PLEKHM1: variants seen among roughly 807,000 people sequenced by gnomAD.
The protein encoded by PLEKHM1 is pleckstrin homology and RUN domain containing M1, also known as pleckstrin homology domain-containing family M member 1.
A neutral mutation model predicts 94.3 loss-of-function variants in PLEKHM1; 28 were observed. The ratio of observed to expected loss-of-function variants is 0.30; its 90% CI spans 0.22 to 0.41. The LOEUF is 0.41. Ranked by LOEUF, PLEKHM1 falls within the 10% of genes least tolerant of loss-of-function variation. PLEKHM1 has a pLI of 1.00. For synonymous variants in PLEKHM1, 424 were observed against 581.2 expected, an observed-to-expected ratio of 0.73 and a Z score of 3.89; for missense variants, 907 against 1,358.6, an observed-to-expected ratio of 0.67 and a Z score of 5.22.
At chr17:45,484,047 C>G (rs1187875142) in intron 1 of PLEKHM1, among the ~76,000 whole-genome samples, 1 of 152,252 alleles carries the variant, frequency 6.6e-6, no homozygotes, top group African/African-American at 2.4e-5. Context: ...TTAGACACAA[C>G]TGACCAGCAT....
chr17:45,435,672 C>A (rs2050235844), downstream of PLEKHM1, among the ~76,000 whole-genome samples: 1 of 152,206 alleles, frequency 6.6e-6, no homozygotes, highest in African/African-American at 2.4e-5. Context: ...AGATCCTACC[C>A]CAGGAAGAGC....
At chr17:45,483,952 T>A (rs1489580068) in intron 1 of PLEKHM1, among the ~76,000 whole-genome samples, 2 of 152,188 alleles carry the variant, frequency 1.3e-5, no homozygotes, top group Non-Finnish European at 2.9e-5. Context: ...CCAAAGGGAT[T>A]TCAAAAAAAC....
At chr17:45,489,812 G>T (rs2052251004) in intron 1 of PLEKHM1, among the ~76,000 whole-genome samples, 2 of 152,206 alleles carry the variant, frequency 1.3e-5, no homozygotes, top group African/African-American at 4.8e-5. Flanking sequence ...TGGGAGTTGG[G>T]TCGAGGGAAG....
intron 2 of PLEKHM1, among the ~76,000 whole-genome samples, chr17:45,481,703 A>T (rs967902663): frequency 1.3e-5 from 2 of 149,766 alleles, no homozygotes; most frequent in African/African-American, 4.9e-5. Context: ...GAGCCTCTGC[A>T]TGAAAGCCAG....
At chr17:45,461,437 G>A (rs1240579772) in intron 5 of PLEKHM1, among the ~76,000 whole-genome samples, 1 of 152,166 alleles carries the variant, frequency 6.6e-6, no homozygotes, top group African/African-American at 2.4e-5. Context: ...TGTGCTTCTG[G>A]TGTTGCATCT....
At chr17:45,486,258 T>A (rs896835308) in intron 1 of PLEKHM1, among the ~76,000 whole-genome samples, 33 of 146,348 alleles carry the variant, frequency 2.3e-4, no homozygotes, top group African/African-American at 8.2e-4. Flanking sequence ...ATAATAATAA[T>A]AATTTATGTC....
At chr17:45,464,498 G>A in intron 5 of PLEKHM1, among the ~76,000 whole-genome samples, 1 of 152,190 alleles carries the variant, frequency 6.6e-6, no homozygotes, top group Non-Finnish European at 1.5e-5. Context: ...GGGCAGACAT[G>A]CAGGGCACAG....
intron 8 of PLEKHM1, chr17:45,448,007 A>C (rs1267969081): frequency 1.3e-5 from 2 of 152,106 alleles, no homozygotes; most frequent in Non-Finnish European, 2.9e-5. Flanking sequence ...CACGTTGGTC[A>C]GGCTGGTCTC....
chr17:45,454,652 C>A, intron 6 of PLEKHM1: 1 of 437,878 alleles, frequency 2.3e-6, no homozygotes, highest in Non-Finnish European at 4.3e-6. Context: ...TACTCAAGGA[C>A]AAGGAGCAGT....
chr17:45,488,795 C>G (rs1166338073), intron 1 of PLEKHM1, among the ~76,000 whole-genome samples: 3 of 151,986 alleles, frequency 2.0e-5, no homozygotes, highest in Non-Finnish European at 4.4e-5. Context: ...CAAAACTAGC[C>G]GGGCATGGTG....
chr17:45,471,829 C>A (rs2051523717), intron 4 of PLEKHM1, among the ~76,000 whole-genome samples: 1 of 152,208 alleles, frequency 6.6e-6, no homozygotes, highest in East Asian at 1.9e-4. Context: ...TGCCTCTGTG[C>A]CAGGGACCAT....
At chr17:45,483,010 C>G (rs1018211814) in intron 1 of PLEKHM1, among the ~76,000 whole-genome samples, 7 of 151,910 alleles carry the variant, frequency 4.6e-5, no homozygotes, top group African/African-American at 1.7e-4. Flanking sequence ...ACTCCTGTCC[C>G]AGTCCAACAT....
At position 45,437,189 on chromosome 17, in the gene PLEKHM1, G is replaced by A. The variant is rs865825039; in HGVS notation, c.*669C>T. 6.6e-6 allele frequency: 3 copies of A among 452,648 alleles called. No homozygotes were observed. The highest frequency in any genetic ancestry group is 4.7e-5 in the Admixed American group (2 of 42,530). 28.0% of individuals were successfully genotyped at this position (452,648 alleles called of 1,614,324 possible). A position where few individuals can be genotyped will look rare whatever the true frequency, so the allele number is the denominator to read the frequency against. ...AGCAGGCGAGACGCACTGGGGTGGG[G>A]AGTAAAGAGGACACAGAGGAACCGG... On this transcript the variant is annotated 3_prime_UTR_variant, in exon 12 of 12. Coordinates refer to ENST00000430334, the MANE Select transcript of PLEKHM1 (RefSeq NM_014798.3). The surrounding 1 kb of genome is among the most constrained non-coding windows in gnomAD (Gnocchi z 4.0).
At chr17:45,488,170 G>GTCAGTGAA in intron 1 of PLEKHM1, among the ~76,000 whole-genome samples, 1 of 152,306 alleles carries the variant, frequency 6.6e-6, no homozygotes, top group Non-Finnish European at 1.5e-5. Context: ...GAATTGTGGA[G>GTCAGTGAA]TCAGTGAACA....
intron 4 of PLEKHM1, among the ~76,000 whole-genome samples, chr17:45,470,305 C>T (rs1265367420): frequency 6.6e-6 from 1 of 152,256 alleles, no homozygotes; most frequent in Non-Finnish European, 1.5e-5. Context: ...AACTTCATGT[C>T]TTTGGATTAG....
intron 1 of PLEKHM1, among the ~76,000 whole-genome samples, chr17:45,485,558 C>G (rs189009999): frequency 1.3e-5 from 2 of 152,274 alleles, no homozygotes; most frequent in African/African-American, 4.8e-5. Context: ...CTGGGAGGAG[C>G]AGGCCATTGG....
At position 45,458,531 on chromosome 17, in the gene PLEKHM1, C is replaced by T. The variant is rs1030956330; in HGVS notation, c.1309-92G>A. 42 of 1,326,558 alleles carry T rather than the reference C, an allele frequency of 3.2e-5. No homozygotes were observed. In the Admixed American group the frequency reaches 6.1e-4, roughly 19 times the overall value. 82.2% of individuals were successfully genotyped at this position (1,326,558 alleles called of 1,614,324 possible). ...TGTTGCCCAGGCTGGAGTGCAATCG[C>T]GCAACCTCGGCTCACTGCAACCTCT... On this transcript the variant is annotated intron_variant, in intron 5 of 11. Transcript: ENST00000430334.
At position 45,454,217 on chromosome 17, in the gene PLEKHM1, C is replaced by T. The variant is rs139103371; in HGVS notation, c.1635G>A (p.Gly545=). Residue 545 remains glycine (G), a synonymous_variant, in exon 7 of 12, where the codon GGG becomes GGA. Transcript: ENST00000430334. ...AGAGCTCCTTCCAGATGCCCATTGC[C>T]CCCCGCCGCTCCACGGTGCCCAGCT... ...LMKLGTVERR[G]AMGIWKELFC... 81 of 1,611,048 alleles carry T rather than the reference C, an allele frequency of 5.0e-5. 1 individual carries two copies. In the African/African-American group the frequency reaches 1.0e-3, roughly 20 times the overall value.
At position 45,453,991 on chromosome 17, in the gene PLEKHM1, G is replaced by C. The variant is rs535231948; in HGVS notation, c.1861C>G (p.Arg621Gly). The C allele has an allele frequency of 6.2e-7, 1 of 1,614,004 alleles. No individual in the cohort carries two copies. Among genetic ancestry groups the C allele is most frequent in the Non-Finnish European group, 8.5e-7 (1 of 1,179,908 alleles). ...DEAEDWLDRV[R>G]EALQKVRPQQ... ...GGCCGGACCTTCTGCAGGGCCTCCC[G>C]CACCCGGTCCAGCCAGTCCTCAGCT... The change falls in exon 7 of 12, where the codon CGG becomes GGG. Residue 621 changes from arginine to glycine, a missense_variant. Physicochemically the swap from Arg to Gly is moderately radical, Grantham distance 125 (BLOSUM62 -2). Transcript: ENST00000430334. The surrounding 1 kb of genome is among the most constrained non-coding windows in gnomAD (Gnocchi z 4.1).
Sources: allele counts gnomAD v4.1 joint callset (sites outside exome capture counted in the v4.1 genomes callset), GRCh38; gene constraint gnomAD v4.1.1; non-coding constraint Gnocchi (gnomAD v3.1); transcripts MANE v1.5; gene names NCBI Gene and HGNC (gene_info 2026-07-23, HGNC 2026-07-21).